The following HSDL2 variants were observed in gnomAD, a reference collection of about 807,000 sequenced individuals.
HSDL2 encodes the protein hydroxysteroid dehydrogenase-like protein 2.
In HSDL2, 27 loss-of-function variants were observed where a neutral mutation model predicts 46.3. The observed-to-expected ratio is 0.58, with a 90% CI of 0.43 to 0.80. The LOEUF is 0.80. Ranked by LOEUF, HSDL2 falls within the 30% of genes least tolerant of loss-of-function variation. The pLI is 0.00. For synonymous variants in HSDL2, 153 were observed against 163.6 expected (o/e 0.94, Z 0.50); for missense variants, 451 against 502.7 (o/e 0.90, Z 0.98).
intron 10 of HSDL2, among the ~76,000 whole-genome samples, chr9:112,468,047 ATTGT>A (rs61003846): frequency 0.96 from 145,323 of 152,140 alleles, 69,467 homozygotes; most frequent in African/African-American, 0.98. Context: ...AACTCTCTTG[ATTGT>A]TTGTCTGGGT....
At chr9:112,412,193 G>C (rs1471291466) in intron 4 of HSDL2, among the ~76,000 whole-genome samples, 2 of 152,202 alleles carry the variant, frequency 1.3e-5, no homozygotes, top group Admixed American at 6.5e-5. Context: ...AGATATTTCA[G>C]AATGAAACCT....
At chr9:112,434,505 G>A (rs941870588) in intron 6 of HSDL2, among the ~76,000 whole-genome samples, 3 of 152,182 alleles carry the variant, frequency 2.0e-5, no homozygotes, top group African/African-American at 7.2e-5. Flanking sequence ...ACATGCCCAT[G>A]CTTTATATTT....
intron 1 of HSDL2, among the ~76,000 whole-genome samples, chr9:112,390,508 C>T (rs1376477938): frequency 6.6e-6 from 1 of 152,120 alleles, no homozygotes; most frequent in East Asian, 1.9e-4. Context: ...AGCTGGAGTG[C>T]AGTGACATGA....
intron 1 of HSDL2, among the ~76,000 whole-genome samples, chr9:112,402,164 A>G (rs1352958415): frequency 6.6e-6 from 1 of 152,218 alleles, no homozygotes; most frequent in East Asian, 1.9e-4. Context: ...GCCCTTAGAA[A>G]GTAAATAAGA....
intron 1 of HSDL2, among the ~76,000 whole-genome samples, chr9:112,397,001 G>C (rs757640195): frequency 6.6e-6 from 1 of 152,162 alleles, no homozygotes; most frequent in South Asian, 2.1e-4. Context: ...TGTGGCAAGG[G>C]ATTTCCATCT....
chr9:112,423,821 C>G (rs1832184492), intron 6 of HSDL2, among the ~76,000 whole-genome samples: 1 of 151,974 alleles, frequency 6.6e-6, no homozygotes, highest in Admixed American at 6.5e-5. Flanking sequence ...TCAAGCGATT[C>G]TTGTGCCTCA....
chr9:112,441,033 T>A (rs536061971), intron 7 of HSDL2, among the ~76,000 whole-genome samples: 3 of 151,188 alleles, frequency 2.0e-5, no homozygotes, highest in African/African-American at 7.3e-5. Flanking sequence ...AAATAAATAA[T>A]AAATAAATAA....
At chr9:112,462,091 G>A (rs186947699) in intron 10 of HSDL2, among the ~76,000 whole-genome samples, 1 of 152,274 alleles carries the variant, frequency 6.6e-6, no homozygotes, top group Admixed American at 6.5e-5. Flanking sequence ...GCACAATTTA[G>A]ACTTTATATC....
intron 8 of HSDL2, among the ~76,000 whole-genome samples, chr9:112,444,404 C>G (rs189651944): frequency 4.3e-4 from 58 of 134,992 alleles, no homozygotes; most frequent in African/African-American, 1.6e-3. Flanking sequence ...GACAATGGAC[C>G]TAGTTTTAAA....
intron 10 of HSDL2, among the ~76,000 whole-genome samples, chr9:112,461,543 A>C (rs771464719): frequency 6.6e-6 from 1 of 152,260 alleles, no homozygotes; most frequent in African/African-American, 2.4e-5. Flanking sequence ...CATTTAAAAT[A>C]AAAATGTATT....
chr9:112,466,186 T>C (rs2132716946), intron 10 of HSDL2, among the ~76,000 whole-genome samples: 1 of 152,322 alleles, frequency 6.6e-6, no homozygotes, highest in East Asian at 1.9e-4. Context: ...GGATCAAAGG[T>C]ATTTCCTTGG....
chr9:112,401,610 G>C lies in HSDL2; in HGVS notation c.18-2385G>C, dbSNP rs183183803. 1.7e-3 allele frequency among the ~76,000 whole-genome samples: 258 copies of C among 152,182 alleles called. 2 individuals are homozygous for C. Among genetic ancestry groups the C allele is most frequent in the African/African-American group, 5.9e-3 (246 of 41,510 alleles). On this transcript the variant is annotated intron_variant, in intron 1 of 10. Transcript: ENST00000398805. ...ACAGGTGGTGGGTCAGATTTGGCCT[G>C]GGGCCATAGTTTGCAGACTGTTGAT...
chr9:112,458,622 C>T (rs1340966960), intron 9 of HSDL2, among the ~76,000 whole-genome samples: 2 of 152,008 alleles, frequency 1.3e-5, no homozygotes, highest in African/African-American at 4.8e-5. Flanking sequence ...CCACCATGCT[C>T]GGCCTATTTT....
intron 1 of HSDL2, among the ~76,000 whole-genome samples, chr9:112,386,841 A>G (rs1343919385): frequency 2.0e-5 from 3 of 152,232 alleles, no homozygotes; most frequent in African/African-American, 2.4e-5. Context: ...TATATAGTAC[A>G]TGTCAATAAA....
chr9:112,436,169 A>G (rs1052209098), intron 6 of HSDL2, among the ~76,000 whole-genome samples: 13 of 147,734 alleles, frequency 8.8e-5, no homozygotes, highest in Middle Eastern at 3.4e-3. Flanking sequence ...TTGAGAGCCC[A>G]GGAGATCAAG....
At chr9:112,432,278 G>A (rs1344054611) in intron 6 of HSDL2, among the ~76,000 whole-genome samples, 3 of 152,184 alleles carry the variant, frequency 2.0e-5, no homozygotes, top group Non-Finnish European at 2.9e-5. Context: ...GGGACTGATC[G>A]TCAGGTTTAG....
intron 1 of HSDL2, among the ~76,000 whole-genome samples, chr9:112,394,368 T>A (rs1490198491): frequency 6.6e-6 from 1 of 152,140 alleles, no homozygotes; most frequent in Non-Finnish European, 1.5e-5. Flanking sequence ...GAACTACCTA[T>A]GGAAAGAAGG....
rs765554482 is a variant in HSDL2, at chr9:112,459,701, G to C, written c.1144+124G>C. ...TTGGCAGCAGTGGAATCTTAGTTTT[G>C]GGAAGGCTGTTCTTACTGTTGCCTC... is the stretch of plus-strand genomic sequence containing the variant. On this transcript the variant is annotated intron_variant, in intron 10 of 10. Coordinates refer to ENST00000398805, the MANE Select transcript of HSDL2 (RefSeq NM_032303.5). 19 of 805,024 alleles carry C rather than the reference G, an allele frequency of 2.4e-5. No homozygotes were observed. In the East Asian group the frequency reaches 4.6e-4, roughly 19 times the overall value. The allele number at this position is 805,024 out of a possible 1,614,324, so 49.9% of individuals were successfully genotyped here. A position where few individuals can be genotyped will look rare whatever the true frequency, so the allele number is the denominator to read the frequency against.
Position 112,442,204 on chromosome 9 carries a change from A to C in HSDL2, c.865+434A>C, listed in dbSNP as rs540829769. On this transcript the variant is annotated intron_variant, in intron 8 of 10. Coordinates refer to ENST00000398805, the MANE Select transcript of HSDL2 (RefSeq NM_032303.5). ...GGATCACCTGATCCCGGGAAGTTGA[A>C]GTTTCAGTGAGCCGTGATCGTGCCA... Among the ~76,000 whole-genome samples the C allele has an allele frequency of 2.1e-5, 3 of 145,588 alleles. No homozygotes were observed. The South Asian group carries it at 6.8e-4, about 33-fold the overall frequency.
Sources: gnomAD v4.1 joint callset for allele counts (sites outside exome capture counted in the v4.1 genomes callset) on GRCh38, gnomAD v4.1.1 for gene constraint, MANE v1.5 for transcripts, NCBI Gene and HGNC (gene_info 2026-07-23, HGNC 2026-07-21) for gene names.